The following ZNF486 variants were observed in gnomAD, a reference collection of about 807,000 sequenced individuals.
The protein encoded by ZNF486 is zinc finger protein 486.
In ZNF486, 12 loss-of-function variants were observed where a neutral mutation model predicts 12.8. That is an observed-to-expected ratio of 0.94 (90% CI 0.60 to 1.52). The LOEUF is 1.52. Among genes scored for constraint, ZNF486 ranks in the 40% most tolerant of loss-of-function variants. The pLI is 0.00. For synonymous variants in ZNF486, 231 were observed against 184.9 expected (o/e 1.25, Z -2.02); for missense variants, 738 against 545.0 (o/e 1.35, Z -3.53).
chr19:20,172,826 A>G (rs1187479627), intron 1 of ZNF486, among the ~76,000 whole-genome samples: 3 of 151,798 alleles, frequency 2.0e-5, no homozygotes, highest in African/African-American at 7.3e-5. Flanking sequence ...TATTTTTAGT[A>G]GAGACGAGGT....
rs1381725103 is a variant in ZNF486 at position 20,168,985 on chromosome 19, C to T, written c.30+1625C>T. On this transcript the variant is annotated intron_variant, in intron 1 of 3. Transcript: ENST00000335117. ...CCTCCCAAGTAGCTGGGACTACAGG[C>T]ACTCGCCACCACGCCCGGCTAATTT... Among the ~76,000 whole-genome samples the T allele has an allele frequency of 2.0e-5, 3 of 152,110 alleles. 1 individual carries two copies. The highest frequency in any genetic ancestry group is 4.4e-5 in the Non-Finnish European group (3 of 68,030).
At chr19:20,187,062 C>T (rs532814835) in intron 3 of ZNF486, among the ~76,000 whole-genome samples, 98 of 152,068 alleles carry the variant, frequency 6.4e-4, no homozygotes, top group African/African-American at 2.2e-3. Flanking sequence ...GGATTACAGG[C>T]ATGAGCCACC....
intron 3 of ZNF486, among the ~76,000 whole-genome samples, chr19:20,195,448 A>G (rs1458033410): frequency 2.0e-5 from 3 of 152,214 alleles, no homozygotes; most frequent in African/African-American, 7.2e-5. Flanking sequence ...GATTACAGGA[A>G]TGAGCCACCA....
intron 1 of ZNF486, among the ~76,000 whole-genome samples, chr19:20,182,772 T>C (rs1349217350): frequency 6.6e-6 from 1 of 152,140 alleles, no homozygotes; most frequent in Admixed American, 6.5e-5. Flanking sequence ...GCTTTTTCTG[T>C]CATTTTGCCA....
At chr19:20,170,804 T>C (rs1555713780) in intron 1 of ZNF486, among the ~76,000 whole-genome samples, 5 of 152,242 alleles carry the variant, frequency 3.3e-5, no homozygotes. Context: ...ATGTGTTTCA[T>C]CTTTCCTCAT....
intron 3 of ZNF486, chr19:20,188,727 C>T (rs782618976): frequency 1.8e-5 from 6 of 339,840 alleles, no homozygotes; most frequent in Non-Finnish European, 3.1e-5. Flanking sequence ...AGACACTTTA[C>T]ATCTTGTAAA....
intron 3 of ZNF486, among the ~76,000 whole-genome samples, chr19:20,195,050 G>A (rs567219827): frequency 7.2e-5 from 11 of 151,916 alleles, no homozygotes; most frequent in Admixed American, 4.6e-4. Flanking sequence ...TTCTGTCACC[G>A]AGGCTGGAGT....
intron 1 of ZNF486, among the ~76,000 whole-genome samples, chr19:20,178,007 T>G (rs2089741667): frequency 6.6e-6 from 1 of 151,298 alleles, no homozygotes. Context: ...CGCTGCAACC[T>G]CTGCCTCCTG....
chr19:20,184,048 A>G (rs1400923583), intron 1 of ZNF486, among the ~76,000 whole-genome samples: 1 of 152,070 alleles, frequency 6.6e-6, no homozygotes, highest in African/African-American at 2.4e-5. Context: ...AATATTCATA[A>G]CTGATTCTGT....
chr19:20,181,355 C>T (rs895859081), intron 1 of ZNF486, among the ~76,000 whole-genome samples: 19 of 152,122 alleles, frequency 1.2e-4, no homozygotes, highest in Non-Finnish European at 1.5e-4. Context: ...CTGGCTAACA[C>T]GGTGAAACCC....
intron 1 of ZNF486, among the ~76,000 whole-genome samples, chr19:20,171,703 AG>A: frequency 6.6e-6 from 1 of 152,198 alleles, no homozygotes. Context: ...TCTCCCACCC[AG>A]GAATTATTTT....
Position 20,197,965 on chromosome 19 carries a change from T to C in ZNF486, c.1255T>C (p.Ser419Pro). Residue 419 changes from serine to proline, a missense_variant, in exon 4 of 4, where the codon TCA becomes CCA. Physicochemically the swap from Ser to Pro is moderately conservative, Grantham distance 74. Coordinates refer to ENST00000335117, the MANE Select transcript of ZNF486 (RefSeq NM_052852.4). Reference protein sequence around the residue: ...EECGKAYTTSSNLTEHKTTHT... With the variant: ...EECGKAYTTSPNLTEHKTTHT... Reference sequence around the variant, plus strand: ...ATGTGGCAAAGCGTATACTACATCCTCAAATCTAACTGAACATAAGACAAC... The same window carrying C: ...ATGTGGCAAAGCGTATACTACATCCCCAAATCTAACTGAACATAAGACAAC... The C allele has an allele frequency of 6.2e-7, 1 of 1,613,638 alleles. No individual in the cohort carries two copies. Among genetic ancestry groups the C allele is most frequent in the South Asian group, 1.1e-5 (1 of 91,060 alleles).
chr19:20,177,489 G>C (rs1356199445), intron 1 of ZNF486, among the ~76,000 whole-genome samples: 1 of 152,192 alleles, frequency 6.6e-6, no homozygotes, highest in Non-Finnish European at 1.5e-5. Flanking sequence ...TCTACTTATG[G>C]ACTAATTATG....
rs568572389 is a variant in ZNF486, at chr19:20,196,390, G to T, written c.254-574G>T. Among the ~76,000 whole-genome samples, 22 of 152,300 alleles carry T rather than the reference G, an allele frequency of 1.4e-4. No homozygotes were observed. In the South Asian group the frequency reaches 4.6e-3, roughly 32 times the overall value. ...GTCGCCCAGGCCGGAGTGCAGTGGT[G>T]CAATCTTGGCTTACTGCAACCTCCG... On this transcript the variant is annotated intron_variant, in intron 3 of 3. Coordinates refer to ENST00000335117, the MANE Select transcript of ZNF486 (RefSeq NM_052852.4).
chr19:20,198,294 G>T lies in ZNF486; in HGVS notation c.*192G>T. The T allele has an allele frequency of 1.8e-6, 1 of 564,104 alleles. No individual in the cohort carries two copies. The highest frequency in any genetic ancestry group is 3.1e-6 in the Non-Finnish European group (1 of 321,450). 34.9% of individuals were successfully genotyped at this position (564,104 alleles called of 1,614,324 possible). On this transcript the variant is annotated 3_prime_UTR_variant, in exon 4 of 4. Coordinates refer to ENST00000335117, the MANE Select transcript of ZNF486 (RefSeq NM_052852.4). ...AATTTTGTATTTTTAGTAGAGATGGGGTTTCTCCATGTTGGTCAGGCTGGT... is the reference window on the plus strand; with the variant it reads ...AATTTTGTATTTTTAGTAGAGATGGTGTTTCTCCATGTTGGTCAGGCTGGT...
intron 1 of ZNF486, among the ~76,000 whole-genome samples, chr19:20,177,518 T>C (rs1026507370): frequency 6.6e-6 from 1 of 152,260 alleles, no homozygotes; most frequent in Admixed American, 6.5e-5. Flanking sequence ...CTTTCTGTCA[T>C]TGCAGTCTCT....
In ZNF486 at chr19:20,197,834, A is replaced by G. The variant is rs782265072; in HGVS notation, c.1124A>G (p.Glu375Gly). ...ATGCATAAGATAATTCATACTGGAGAGAAACCATACAAATGTGAAGAATGT... is the reference window on the plus strand; with the variant it reads ...ATGCATAAGATAATTCATACTGGAGGGAAACCATACAAATGTGAAGAATGT... The part of the protein sequence containing the change: ...LTMHKIIHTG[E>G]KPYKCEECGK... The change falls in exon 4 of 4, where the codon GAG becomes GGG. Residue 375 changes from glutamate to glycine, a missense_variant. Coordinates refer to ENST00000335117, the MANE Select transcript of ZNF486 (RefSeq NM_052852.4). The G allele has an allele frequency of 5.6e-6, 9 of 1,613,792 alleles. No individual in the cohort carries two copies. The South Asian group carries it at 6.6e-5, about 12-fold the overall frequency.
intron 1 of ZNF486, among the ~76,000 whole-genome samples, chr19:20,169,829 G>C (rs2089627200): frequency 6.6e-6 from 1 of 150,584 alleles, no homozygotes; most frequent in Admixed American, 6.6e-5. Context: ...TTTTAGCTCA[G>C]AGAATGTCTT....
At chr19:20,185,272 A>AT (rs1367083374) in intron 2 of ZNF486, among the ~76,000 whole-genome samples, 3 of 151,876 alleles carry the variant, frequency 2.0e-5, no homozygotes, top group Non-Finnish European at 4.4e-5. Flanking sequence ...AGTAAATAAG[A>AT]TTTTTTCTTT....
Sources: allele counts gnomAD v4.1 joint callset (sites outside exome capture counted in the v4.1 genomes callset), GRCh38; gene constraint gnomAD v4.1.1; transcripts MANE v1.5; gene names NCBI Gene and HGNC (gene_info 2026-07-23, HGNC 2026-07-21).